RSRC1: variants seen among roughly 807,000 people sequenced by gnomAD.
The protein encoded by RSRC1 is serine/Arginine-related protein 53.
Under a neutral mutation model 49.1 loss-of-function variants are expected in RSRC1, and 39 were observed. That is an observed-to-expected ratio of 0.79 (90% CI 0.61 to 1.04). The LOEUF (loss-of-function observed/expected upper bound fraction) is 1.04. RSRC1 is among the 50% of genes least tolerant of loss of function. The pLI is 0.00. For synonymous variants in RSRC1, 143 were observed against 130.8 expected (o/e 1.09, Z -0.63); for missense variants, 388 against 402.4 (o/e 0.96, Z 0.31).
At chr3:158,543,693 C>G (rs988756114) in intron 9 of RSRC1, 7 of 459,630 alleles carry the variant, frequency 1.5e-5, no homozygotes, top group Admixed American at 1.2e-4. Context: ...GTTGCCTAAC[C>G]TGTAGAAGTA....
At chr3:158,495,718 TCAGCCAAATC>T in intron 7 of RSRC1, among the ~76,000 whole-genome samples, 1 of 152,304 alleles carries the variant, frequency 6.6e-6, no homozygotes, top group Admixed American at 6.5e-5. Flanking sequence ...CTAAGACCAA[TCAGCCAAATC>T]CAGCCCACCA....
chr3:158,257,370 G>A (rs996097944), intron 4 of RSRC1, among the ~76,000 whole-genome samples: 7 of 151,884 alleles, frequency 4.6e-5, no homozygotes, highest in South Asian at 2.1e-4. Flanking sequence ...ATCCTTTTGC[G>A]GTATTGACCT....
intron 8 of RSRC1, 134 bp from the exon 9 acceptor site, chr3:158,543,201 G>A: frequency 1.8e-6 from 1 of 553,936 alleles, no homozygotes; most frequent in Non-Finnish European, 2.8e-6. Flanking sequence ...AATACAAAAA[G>A]TAGGGCCTTT....
rs574615869 is a variant in RSRC1, at chr3:158,402,936, A to AT, written c.583+48031dup. ...ATGAGTTGTGCTGTCCAGCAGATAC[A>AT]TTTACAATATTCAGCTGTTTGTAGG... On this transcript the variant is annotated intron_variant, in intron 6 of 9. Transcript: ENST00000611884. 1.8e-4 allele frequency among the ~76,000 whole-genome samples: 27 copies of AT among 151,938 alleles called. No homozygotes were observed. The East Asian group carries it at 2.9e-3, about 16-fold the overall frequency.
intron 6 of RSRC1, among the ~76,000 whole-genome samples, chr3:158,408,982 G>A (rs1263395053): frequency 6.6e-6 from 1 of 151,926 alleles, no homozygotes; most frequent in Non-Finnish European, 1.5e-5. Context: ...GCAGTGAGCC[G>A]AGATCACGCT....
chr3:158,128,309 C>T (rs1715766744), intron 3 of RSRC1, among the ~76,000 whole-genome samples: 1 of 152,136 alleles, frequency 6.6e-6, no homozygotes, highest in African/African-American at 2.4e-5. Context: ...TAAAATGGTT[C>T]TTAATTATTT....
chr3:158,443,004 C>T (rs964712806), intron 6 of RSRC1, among the ~76,000 whole-genome samples: 3 of 152,056 alleles, frequency 2.0e-5, no homozygotes, highest in African/African-American at 7.2e-5. Context: ...AGCAACAGAT[C>T]TCAACAGTGG....
chr3:158,111,487 T>C (rs1714404394), intron 1 of RSRC1, among the ~76,000 whole-genome samples: 1 of 152,216 alleles, frequency 6.6e-6, no homozygotes, highest in Non-Finnish European at 1.5e-5. Context: ...GTTCAAACCA[T>C]TGGGGATAAA....
intron 4 of RSRC1, among the ~76,000 whole-genome samples, chr3:158,204,830 A>G (rs1721257963): frequency 6.6e-6 from 1 of 152,186 alleles, no homozygotes; most frequent in Admixed American, 6.5e-5. Context: ...TTACTTTTTT[A>G]GAATAATACT....
chr3:158,253,552 T>A (rs1260720922), intron 4 of RSRC1, among the ~76,000 whole-genome samples: 1 of 152,114 alleles, frequency 6.6e-6, no homozygotes, highest in East Asian at 1.9e-4. Context: ...GCCATTAGAT[T>A]AAATTTTCTG....
chr3:158,328,167 G>A (rs1729289503), intron 5 of RSRC1, among the ~76,000 whole-genome samples: 1 of 152,064 alleles, frequency 6.6e-6, no homozygotes, highest in African/African-American at 2.4e-5. Context: ...GCACACTGAT[G>A]GGTCTTGACT....
chr3:158,134,745 A>G (rs1408303332), intron 3 of RSRC1, among the ~76,000 whole-genome samples: 1 of 152,224 alleles, frequency 6.6e-6, no homozygotes, highest in African/African-American at 2.4e-5. Flanking sequence ...AGAGTTCTAT[A>G]TCTAACACTG....
chr3:158,248,288 T>C (rs1197179749), intron 4 of RSRC1, among the ~76,000 whole-genome samples: 1 of 152,168 alleles, frequency 6.6e-6, no homozygotes, highest in African/African-American at 2.4e-5. Flanking sequence ...TAAATTACTT[T>C]TGTGTGTTTT....
intron 3 of RSRC1, among the ~76,000 whole-genome samples, chr3:158,187,773 T>A (rs1017041153): frequency 2.0e-5 from 3 of 152,022 alleles, no homozygotes; most frequent in Non-Finnish European, 4.4e-5. Flanking sequence ...AAATTCAGAA[T>A]GTTTATATTT....
intron 3 of RSRC1, 60 bp downstream of exon 3, chr3:158,124,051 A>G: frequency 8.2e-7 from 1 of 1,212,718 alleles, no homozygotes; most frequent in Non-Finnish European, 1.1e-6. Flanking sequence ...CAGCGATGTA[A>G]AGCAACAATC....
At chr3:158,198,320 C>G (rs1227245981) in intron 3 of RSRC1, among the ~76,000 whole-genome samples, 1 of 151,952 alleles carries the variant, frequency 6.6e-6, no homozygotes, top group East Asian at 1.9e-4. Flanking sequence ...CAACCCCTGC[C>G]TTTTTTTGTT....
At chr3:158,466,272 A>G (rs113348984) in intron 7 of RSRC1, among the ~76,000 whole-genome samples, 8,145 of 152,270 alleles carry the variant, frequency 0.053, 320 homozygotes, top group South Asian at 0.1. Flanking sequence ...TTGGAAGCCA[A>G]TTTAGATCGC....
At chr3:158,341,847 G>T (rs956361733) in intron 5 of RSRC1, among the ~76,000 whole-genome samples, 3 of 152,096 alleles carry the variant, frequency 2.0e-5, no homozygotes, top group African/African-American at 7.2e-5. Context: ...AAGTCACGGG[G>T]TGGAGCTGCC....
intron 6 of RSRC1, among the ~76,000 whole-genome samples, chr3:158,381,725 TATATCTAAAC>T (rs569422694): frequency 7.9e-5 from 12 of 152,208 alleles, no homozygotes; most frequent in Non-Finnish European, 1.6e-4. Flanking sequence ...ATGGTATTTG[TATATCTAAAC>T]ATATCTAAAC....
Sources: gnomAD v4.1 joint callset for allele counts (sites outside exome capture counted in the v4.1 genomes callset) on GRCh38, gnomAD v4.1.1 for gene constraint, MANE v1.5 for transcripts, NCBI Gene and HGNC (gene_info 2026-07-23, HGNC 2026-07-21) for gene names.